Variants in HOMER1 observed in about 807,000 individuals in gnomAD.
The protein encoded by HOMER1 is homer protein homolog 1.
A neutral mutation model predicts 48.9 loss-of-function variants in HOMER1; 3 were observed. That is an observed-to-expected ratio of 0.06 (90% confidence interval 0.03 to 0.16). The LOEUF is 0.16. Ranked by LOEUF, HOMER1 falls within the 10% of genes least tolerant of loss-of-function variation. The pLI, the probability that HOMER1 is intolerant of heterozygous loss-of-function variation, is 1.00. For missense variants in HOMER1, 247 were observed against 411.4 expected (o/e 0.60, Z 3.46); for synonymous variants, 134 against 146.4 (o/e 0.92, Z 0.61).
intron 1 of HOMER1, among the ~76,000 whole-genome samples, chr5:79,488,803 GCA>G (rs959267909): frequency 6.6e-6 from 1 of 152,124 alleles, no homozygotes; most frequent in Non-Finnish European, 1.5e-5. Context: ...GCTAGATGGG[GCA>G]CATATTCTCA....
At chr5:79,379,402 T>TTA (rs1208489073) in intron 8 of HOMER1, among the ~76,000 whole-genome samples, 1 of 117,136 alleles carries the variant, frequency 8.5e-6, no homozygotes, top group South Asian at 2.3e-4. Flanking sequence ...ATATAAATAT[T>TTA]TATATATTTA....
At chr5:79,431,297 T>C (rs1232781491) in intron 5 of HOMER1, among the ~76,000 whole-genome samples, 3 of 152,138 alleles carry the variant, frequency 2.0e-5, no homozygotes, top group African/African-American at 7.2e-5. Flanking sequence ...CACTCCAGCC[T>C]GGGTGACAGA....
At chr5:79,416,125 T>C (rs1267664187) in intron 5 of HOMER1, among the ~76,000 whole-genome samples, 1 of 152,226 alleles carries the variant, frequency 6.6e-6, no homozygotes, top group Non-Finnish European at 1.5e-5. Context: ...ACATTAAATA[T>C]TTTAAAGTGG....
intron 5 of HOMER1, among the ~76,000 whole-genome samples, chr5:79,423,068 A>C (rs1182638377): frequency 2.6e-5 from 4 of 152,168 alleles, no homozygotes; most frequent in Non-Finnish European, 1.5e-5. Flanking sequence ...ATATCAAACA[A>C]CACTACTTGA....
intron 2 of HOMER1, among the ~76,000 whole-genome samples, chr5:79,451,584 T>C (rs1366498787): frequency 2.3e-5 from 3 of 132,696 alleles, no homozygotes; most frequent in African/African-American, 3.2e-5. Flanking sequence ...TTTTTTTTTT[T>C]AGATGGAGTC....
chr5:79,404,514 T>C (rs570019463), intron 5 of HOMER1, among the ~76,000 whole-genome samples: 6 of 152,320 alleles, frequency 3.9e-5, no homozygotes, highest in African/African-American at 1.4e-4. Flanking sequence ...CATGTGGCTA[T>C]TTAAATGTAA....
chr5:79,383,498 G>T (rs1365125956), intron 8 of HOMER1, among the ~76,000 whole-genome samples: 1 of 150,380 alleles, frequency 6.6e-6, no homozygotes, highest in Non-Finnish European at 1.5e-5. Context: ...CGATTTTCCT[G>T]CCTCAGCCTC....
At chr5:79,387,134 G>T (rs1224631443) in intron 8 of HOMER1, among the ~76,000 whole-genome samples, 1 of 144,236 alleles carries the variant, frequency 6.9e-6, no homozygotes, top group African/African-American at 2.6e-5. Flanking sequence ...TCACCCAGAC[G>T]TACACGTTTC....
intron 8 of HOMER1, among the ~76,000 whole-genome samples, chr5:79,394,356 C>A (rs1687544979): frequency 1.3e-5 from 2 of 152,124 alleles, no homozygotes; most frequent in African/African-American, 4.8e-5. Context: ...GAGAAGGCTG[C>A]AGAGGAGGAA....
chr5:79,502,888 T>A (rs1216840291), intron 1 of HOMER1, among the ~76,000 whole-genome samples: 1 of 152,162 alleles, frequency 6.6e-6, no homozygotes, highest in African/African-American at 2.4e-5. Context: ...CCTCCAGGGT[T>A]CACGCCATTC....
At chr5:79,469,235 T>G (rs777087017) in intron 1 of HOMER1, among the ~76,000 whole-genome samples, 2 of 152,240 alleles carry the variant, frequency 1.3e-5, no homozygotes, top group African/African-American at 2.4e-5. Flanking sequence ...AACTTAGAGC[T>G]GCTTAAAATG....
At chr5:79,512,682 T>G in intron 1 of HOMER1, 88 bp downstream of exon 1, 1 of 1,324,762 alleles carries the variant, frequency 7.5e-7, no homozygotes, top group East Asian at 2.4e-5. Context: ...CAAGTTTGTT[T>G]GAAAACACAA....
intron 3 of HOMER1, among the ~76,000 whole-genome samples, chr5:79,449,336 G>A (rs901451190): frequency 3.3e-5 from 5 of 152,174 alleles, no homozygotes; most frequent in African/African-American, 1.2e-4. Flanking sequence ...AACTGTTTAT[G>A]GAAGGGCAAT....
chr5:79,482,700 A>C (rs1751979629), intron 1 of HOMER1, among the ~76,000 whole-genome samples: 1 of 152,110 alleles, frequency 6.6e-6, no homozygotes, highest in Admixed American at 6.5e-5. Flanking sequence ...CAAAAGTGGG[A>C]AGGATTAAAA....
In HOMER1 at chr5:79,439,163, G is replaced by T. The variant is rs1276011307; in HGVS notation, c.388-14C>A. 1 of 1,612,568 alleles carries T rather than the reference G, an allele frequency of 6.2e-7. No homozygotes were observed. Among genetic ancestry groups the T allele is most frequent in the East Asian group, 2.2e-5 (1 of 44,868 alleles). ...GCCTGCGGATTCCTTTAAAAAAAGG[G>T]GTGGGGGATAAAAAATAGTTACACT... On this transcript the variant is annotated splice_polypyrimidine_tract_variant and intron_variant, in intron 4 of 8. Coordinates refer to ENST00000334082, the MANE Select transcript of HOMER1 (RefSeq NM_004272.5).
At chr5:79,468,782 C>T (rs1055989168) in intron 1 of HOMER1, among the ~76,000 whole-genome samples, 2 of 152,186 alleles carry the variant, frequency 1.3e-5, no homozygotes, top group Non-Finnish European at 2.9e-5. Flanking sequence ...CCAATTTACA[C>T]TCATTAGTTT....
At chr5:79,400,592 A>C (rs1049226434) in intron 6 of HOMER1, among the ~76,000 whole-genome samples, 1 of 151,526 alleles carries the variant, frequency 6.6e-6, no homozygotes, top group Admixed American at 6.6e-5. Context: ...CCTGGGCTCA[A>C]GCAATCCATC....
intron 5 of HOMER1, among the ~76,000 whole-genome samples, chr5:79,413,599 C>A (rs1201719771): frequency 1.6e-4 from 25 of 151,924 alleles, no homozygotes; most frequent in Non-Finnish European, 1.5e-5. Context: ...CCCCTACCCC[C>A]ATACCTTCCC....
At chr5:79,397,091 C>T (rs1400353803) in intron 7 of HOMER1, among the ~76,000 whole-genome samples, 188 bp from the exon 8 acceptor site, 2 of 152,148 alleles carry the variant, frequency 1.3e-5, no homozygotes, top group Non-Finnish European at 2.9e-5. Context: ...TCTTAAGCAA[C>T]AGCAACAAGT....
Sources: gnomAD v4.1 joint callset for allele counts (sites outside exome capture counted in the v4.1 genomes callset) on GRCh38, gnomAD v4.1.1 for gene constraint, MANE v1.5 for transcripts, NCBI Gene and HGNC (gene_info 2026-07-23, HGNC 2026-07-21) for gene names.